The following KCNAB1 variants were observed in gnomAD, a reference collection of about 807,000 sequenced individuals.
KCNAB1 encodes the protein voltage-gated potassium channel subunit beta-1.
KCNAB1 carries 35 observed loss-of-function variants against 64.6 expected under a neutral mutation model. The observed-to-expected ratio is 0.54, with a 90% CI of 0.41 to 0.72. The LOEUF is 0.72. Ranked by LOEUF, KCNAB1 falls within the 30% of genes least tolerant of loss-of-function variation. The pLI is 0.00. For synonymous variants in KCNAB1, 177 were observed against 183.8 expected (o/e 0.96, Z 0.30); for missense variants, 401 against 512.9 (o/e 0.78, Z 2.11).
chr3:156,213,414 A>G (rs752735835), intron 1 of KCNAB1, among the ~76,000 whole-genome samples: 3 of 152,128 alleles, frequency 2.0e-5, no homozygotes, highest in Non-Finnish European at 4.4e-5. Flanking sequence ...GGGTCTCACT[A>G]TGTTGACCAG....
At chr3:156,140,408 G>A (rs1646488876) in intron 1 of KCNAB1, among the ~76,000 whole-genome samples, 1 of 152,170 alleles carries the variant, frequency 6.6e-6, no homozygotes, top group Non-Finnish European at 1.5e-5. Context: ...GCAGGGTCAG[G>A]TTCTTGGTAA....
chr3:156,394,398 C>T (rs1713271161), intron 1 of KCNAB1, among the ~76,000 whole-genome samples: 1 of 152,100 alleles, frequency 6.6e-6, no homozygotes, highest in Non-Finnish European at 1.5e-5. Context: ...GGAAGTTGGG[C>T]TAAGATAGAA....
At chr3:156,207,877 T>C (rs899733259) in intron 1 of KCNAB1, among the ~76,000 whole-genome samples, 1 of 152,174 alleles carries the variant, frequency 6.6e-6, no homozygotes, top group African/African-American at 2.4e-5. Context: ...AGTACCTTTA[T>C]TTGGGTGAAA....
intron 1 of KCNAB1, among the ~76,000 whole-genome samples, chr3:156,184,054 C>T (rs767640278): frequency 9.2e-5 from 14 of 152,178 alleles, no homozygotes; most frequent in Admixed American, 6.5e-5. Flanking sequence ...CAAATTGTGA[C>T]GCTCAGTAAA....
intron 1 of KCNAB1, among the ~76,000 whole-genome samples, chr3:156,195,247 T>G (rs940261375): frequency 3.3e-5 from 5 of 152,136 alleles, no homozygotes; most frequent in Admixed American, 6.6e-5. Context: ...AATAAACATA[T>G]GTGTGCATGT....
chr3:156,428,133 T>G (rs1559879444), intron 2 of KCNAB1, among the ~76,000 whole-genome samples: 1 of 152,156 alleles, frequency 6.6e-6, no homozygotes, highest in East Asian at 1.9e-4. Flanking sequence ...TGGGTGCACC[T>G]ACGAGGGTGT....
intron 1 of KCNAB1, among the ~76,000 whole-genome samples, chr3:156,121,945 C>T (rs1259501393): frequency 2.0e-5 from 3 of 151,964 alleles, no homozygotes; most frequent in Middle Eastern, 3.2e-3. Context: ...AAACTTGTAC[C>T]GTACACTTTA....
intron 1 of KCNAB1, among the ~76,000 whole-genome samples, chr3:156,140,107 C>A (rs1451280859): frequency 6.6e-6 from 1 of 152,144 alleles, no homozygotes; most frequent in African/African-American, 2.4e-5. Flanking sequence ...CTTTCTAATA[C>A]TTTTAAATCT....
chr3:156,369,316 T>C (rs1726152811), intron 1 of KCNAB1, among the ~76,000 whole-genome samples: 2 of 152,268 alleles, frequency 1.3e-5, no homozygotes, highest in African/African-American at 4.8e-5. Flanking sequence ...ATTGTACGAA[T>C]ATACCACAGT....
intron 1 of KCNAB1, among the ~76,000 whole-genome samples, chr3:156,322,737 G>A (rs1019254689): frequency 1.3e-5 from 2 of 152,284 alleles, no homozygotes; most frequent in South Asian, 4.1e-4. Flanking sequence ...TGCTTCTGTA[G>A]AACATTTTAA....
intron 1 of KCNAB1, among the ~76,000 whole-genome samples, chr3:156,375,224 G>A (rs1295074582): frequency 7.4e-6 from 1 of 135,670 alleles, no homozygotes; most frequent in Non-Finnish European, 1.5e-5. Flanking sequence ...GTGAGTGACA[G>A]AGCAGAACGT....
intron 1 of KCNAB1, among the ~76,000 whole-genome samples, chr3:156,210,061 C>T (rs1576608094): frequency 6.6e-6 from 1 of 152,218 alleles, no homozygotes; most frequent in Admixed American, 6.5e-5. Context: ...ATGATCTGCA[C>T]TCCTCATGGC....
At chr3:156,421,455 T>C (rs1363968813) in intron 1 of KCNAB1, among the ~76,000 whole-genome samples, 161 bp from the exon 2 acceptor site, 1 of 152,244 alleles carries the variant, frequency 6.6e-6, no homozygotes, top group Non-Finnish European at 1.5e-5. Flanking sequence ...TGAGTGGCCA[T>C]GCAAGGGAGA....
chr3:156,479,551 T>C (rs952681971), intron 8 of KCNAB1, among the ~76,000 whole-genome samples: 3 of 152,162 alleles, frequency 2.0e-5, no homozygotes, highest in Non-Finnish European at 4.4e-5. Flanking sequence ...TATAAGCCTG[T>C]ACCACTTGTA....
At chr3:156,136,495 C>T (rs1279240680) in intron 1 of KCNAB1, among the ~76,000 whole-genome samples, 3 of 152,202 alleles carry the variant, frequency 2.0e-5, no homozygotes, top group Non-Finnish European at 4.4e-5. Context: ...AAGGTGATCT[C>T]AGCACCCTGC....
At chr3:156,307,193 A>G (rs1721548842) in intron 1 of KCNAB1, among the ~76,000 whole-genome samples, 1 of 152,206 alleles carries the variant, frequency 6.6e-6, no homozygotes, top group Non-Finnish European at 1.5e-5. Flanking sequence ...TCATTTCAAG[A>G]TAGAAACCAG....
chr3:156,290,605 GC>G (rs1720345058), intron 1 of KCNAB1, among the ~76,000 whole-genome samples: 1 of 152,128 alleles, frequency 6.6e-6, no homozygotes, highest in Admixed American at 6.5e-5. Flanking sequence ...ATGTCCTACT[GC>G]CCACCTGACC....
At chr3:156,293,495 T>A (rs1386989660) in intron 1 of KCNAB1, among the ~76,000 whole-genome samples, 2 of 152,180 alleles carry the variant, frequency 1.3e-5, no homozygotes, top group Non-Finnish European at 2.9e-5. Flanking sequence ...CTTGAAAAAA[T>A]TTCTTTGCAG....
intron 1 of KCNAB1, among the ~76,000 whole-genome samples, chr3:156,278,398 T>C (rs1461675953): frequency 6.6e-6 from 1 of 152,198 alleles, no homozygotes; most frequent in Non-Finnish European, 1.5e-5. Context: ...ACTCCACCTA[T>C]AGAATAGTTA....
Sources: allele counts gnomAD v4.1 joint callset (sites outside exome capture counted in the v4.1 genomes callset), GRCh38; gene constraint gnomAD v4.1.1; transcripts MANE v1.5; gene names NCBI Gene and HGNC (gene_info 2026-07-23, HGNC 2026-07-21).